Variants in HSPA12A observed in about 807,000 individuals in gnomAD.
HSPA12A encodes heat shock protein family A (Hsp70) member 12A.
Under a neutral mutation model 69.2 loss-of-function variants are expected in HSPA12A, and 28 were observed. The ratio of observed to expected loss-of-function variants is 0.40; its 90% confidence interval spans 0.30 to 0.55. The LOEUF is 0.55. Among genes scored for constraint, HSPA12A ranks in the 20% least tolerant of loss-of-function variants. HSPA12A has a pLI of 0.38. For synonymous variants in HSPA12A, 345 were observed against 370.5 expected (o/e 0.93, Z 0.79); for missense variants, 686 against 900.7 (o/e 0.76, Z 3.05).
In HSPA12A at chr10:116,673,703, TTTAGAGAGACTTGAAAAACTGAAG is replaced by T. The variant is rs1849148876; in HGVS notation, c.*1054_*1077del. On this transcript the variant is annotated 3_prime_UTR_variant, in exon 12 of 12. Coordinates refer to ENST00000369209, the MANE Select transcript of HSPA12A (RefSeq NM_025015.3). The stretch of plus-strand genomic sequence containing the variant: ...ATCAAGTATAGATCTACAAATTATT[TTTAGAGAGACTTGAAAAACTGAAG>T]ATTTTAATGAAACATTGCATAGCAC... The T allele has an allele frequency of 6.6e-6, 1 of 152,174 alleles. No individual in the cohort carries two copies. Among genetic ancestry groups the T allele is most frequent in the African/African-American group, 2.4e-5 (1 of 41,436 alleles). 9.4% of individuals were successfully genotyped at this position (152,174 alleles called of 1,614,324 possible). A position where few individuals can be genotyped will look rare whatever the true frequency, so the allele number is the denominator to read the frequency against.
At chr10:116,700,125 C>T (rs1251863184) in intron 4 of HSPA12A, among the ~76,000 whole-genome samples, 1 of 152,208 alleles carries the variant, frequency 6.6e-6, no homozygotes, top group Non-Finnish European at 1.5e-5. Context: ...TAAAACAAGG[C>T]AGGGAGGGGT....
At chr10:116,770,006 T>G (rs1265602932) in intron 2 of HSPA12A, among the ~76,000 whole-genome samples, 1 of 152,056 alleles carries the variant, frequency 6.6e-6, no homozygotes, top group Non-Finnish European at 1.5e-5. Flanking sequence ...AGCTCCAAGG[T>G]CATTTGGGCC....
At chr10:116,703,917 G>A (rs763584728) in intron 3 of HSPA12A, among the ~76,000 whole-genome samples, 2 of 152,202 alleles carry the variant, frequency 1.3e-5, no homozygotes, top group Non-Finnish European at 2.9e-5. Context: ...GGTGCTTTTT[G>A]CCTCTGGCTA....
chr10:116,719,700 A>T (rs1850715492), intron 1 of HSPA12A, among the ~76,000 whole-genome samples: 1 of 152,272 alleles, frequency 6.6e-6, no homozygotes, highest in African/African-American at 2.4e-5. Flanking sequence ...CAAAAGTCTT[A>T]ACAAGTGTAC....
At chr10:116,768,327 A>G (rs1844126096) in intron 2 of HSPA12A, among the ~76,000 whole-genome samples, 1 of 152,198 alleles carries the variant, frequency 6.6e-6, no homozygotes, top group Non-Finnish European at 1.5e-5. Flanking sequence ...AAAGCAGATT[A>G]GTGCTTGCCA....
intron 2 of HSPA12A, among the ~76,000 whole-genome samples, chr10:116,817,606 C>T (rs905799461): frequency 3.3e-5 from 5 of 152,062 alleles, no homozygotes; most frequent in African/African-American, 7.2e-5. Flanking sequence ...ACCACCATAG[C>T]GATGGGTGTC....
At chr10:116,750,468 T>G in intron 2 of HSPA12A, 1 of 545,208 alleles carries the variant, frequency 1.8e-6, no homozygotes, top group Non-Finnish European at 3.4e-6. Context: ...AACAAGGAAT[T>G]TAATGCAGAA....
chr10:116,726,905 A>C (rs1554885111), intron 1 of HSPA12A, among the ~76,000 whole-genome samples: 3 of 152,206 alleles, frequency 2.0e-5, no homozygotes, highest in Non-Finnish European at 2.9e-5. Flanking sequence ...TGACGGATGA[A>C]GACCCCAGAC....
chr10:116,843,694 C>T (rs1845837532), intron 1 of HSPA12A, among the ~76,000 whole-genome samples: 2 of 152,136 alleles, frequency 1.3e-5, no homozygotes, highest in South Asian at 4.1e-4. Flanking sequence ...TGACCTAATC[C>T]ATGGAGAAAT....
intron 1 of HSPA12A, among the ~76,000 whole-genome samples, chr10:116,708,609 T>A (rs560646555): frequency 6.6e-6 from 1 of 152,260 alleles, no homozygotes; most frequent in South Asian, 2.1e-4. Context: ...CACAGCCACC[T>A]CCCACTCTCT....
At chr10:116,793,471 T>G (rs563109942) in intron 2 of HSPA12A, among the ~76,000 whole-genome samples, 14 of 152,140 alleles carry the variant, frequency 9.2e-5, no homozygotes, top group African/African-American at 3.4e-4. Flanking sequence ...TTCAGGAAGG[T>G]GGGGTGGGAG....
intron 1 of HSPA12A, among the ~76,000 whole-genome samples, chr10:116,721,057 T>A (rs782166716): frequency 1.3e-4 from 20 of 152,228 alleles, no homozygotes; most frequent in Non-Finnish European, 2.6e-4. Context: ...CTTTGAAGTC[T>A]AAAATCCCTA....
chr10:116,812,608 A>T (rs1443754822), intron 2 of HSPA12A, among the ~76,000 whole-genome samples: 1 of 151,968 alleles, frequency 6.6e-6, no homozygotes, highest in Non-Finnish European at 1.5e-5. Flanking sequence ...GACCAAATTC[A>T]AAAGCCTCCT....
intron 1 of HSPA12A, among the ~76,000 whole-genome samples, chr10:116,711,619 G>C (rs1554883080): frequency 6.7e-6 from 1 of 149,762 alleles, no homozygotes; most frequent in Non-Finnish European, 1.5e-5. Flanking sequence ...GAGAGTCAAT[G>C]TTTTCACATC....
At chr10:116,783,814 T>C (rs562662779) in intron 2 of HSPA12A, among the ~76,000 whole-genome samples, 25 of 152,310 alleles carry the variant, frequency 1.6e-4, no homozygotes, top group Admixed American at 5.9e-4. Flanking sequence ...GCGATTCTCC[T>C]GCCTCAGCTT....
At chr10:116,753,455 G>T (rs1370920235) in intron 2 of HSPA12A, among the ~76,000 whole-genome samples, 6 of 152,180 alleles carry the variant, frequency 3.9e-5, no homozygotes, top group African/African-American at 1.2e-4. Context: ...TTGCTGTGTG[G>T]CTTTGCACAG....
rs2132965568 is a variant in HSPA12A at position 116,700,951 on chromosome 10, T to C, written c.433A>G (p.Thr145Ala). 1 of 1,613,524 alleles carries C rather than the reference T, an allele frequency of 6.2e-7. No homozygotes were observed. Among genetic ancestry groups the C allele is most frequent in the Non-Finnish European group, 8.5e-7 (1 of 1,179,944 alleles). Residue 145 changes from threonine to alanine, a missense_variant, in exon 4 of 12, where the codon ACC becomes GCC. Physicochemically the swap from Thr to Ala is moderately conservative, Grantham distance 58. Coordinates refer to ENST00000369209, the MANE Select transcript of HSPA12A (RefSeq NM_025015.3). ...GGGAGAGGCTTGCTCACCCCAGTGG[T>C]GTGCAGCTTCATCTTGAACTTCTCC... ...YLEKFKMKLHTTGDLTMDTDL... is the reference protein window; with the variant it reads ...YLEKFKMKLHATGDLTMDTDL...
intron 1 of HSPA12A, among the ~76,000 whole-genome samples, chr10:116,845,829 C>T (rs943582340): frequency 6.6e-6 from 1 of 152,148 alleles, no homozygotes; most frequent in African/African-American, 2.4e-5. Context: ...TAAAACCCCA[C>T]AAATATTTCC....
At chr10:116,800,312 C>T (rs1844927078) in intron 2 of HSPA12A, among the ~76,000 whole-genome samples, 1 of 152,140 alleles carries the variant, frequency 6.6e-6, no homozygotes, top group South Asian at 2.1e-4. Context: ...TGACCCTCAC[C>T]CCTGGCTGGC....
Sources: allele counts gnomAD v4.1 joint callset (sites outside exome capture counted in the v4.1 genomes callset), GRCh38; gene constraint gnomAD v4.1.1; transcripts MANE v1.5; gene names NCBI Gene and HGNC (gene_info 2026-07-23, HGNC 2026-07-21).